SLC14A2: variants seen among roughly 807,000 people sequenced by gnomAD.
The protein encoded by SLC14A2 is urea transporter 2.
In SLC14A2, 91 loss-of-function variants were observed where a neutral mutation model predicts 104.6. The observed-to-expected ratio is 0.87, with a 90% confidence interval of 0.73 to 1.04. The LOEUF is 1.04. SLC14A2 is among the 50% of genes least tolerant of loss of function. The probability of loss-of-function intolerance (pLI) is 0.00; values close to 1 mark genes in which losing one functional copy is unlikely to be tolerated. For missense variants in SLC14A2, 1,189 were observed against 1,156.0 expected, an observed-to-expected ratio of 1.03 and a Z score of -0.41; for synonymous variants, 476 against 466.4, an observed-to-expected ratio of 1.02 and a Z score of -0.27.
intron 1 of SLC14A2, among the ~76,000 whole-genome samples, chr18:45,286,722 G>GTGTGTGTGTGTGTGTGTGTGTGTGTC (rs1244492491): frequency 4.6e-5 from 7 of 151,954 alleles, no homozygotes; most frequent in African/African-American, 1.5e-4. Flanking sequence ...CCCAACTTGT[G>GTGTGTGTGTGTGTGTGTGTGTGTGTC]TGTGTGTGTG....
intron 10 of SLC14A2, chr18:45,647,908 A>G (rs2045649742): frequency 6.6e-6 from 1 of 152,130 alleles, no homozygotes; most frequent in South Asian, 2.1e-4. Flanking sequence ...GATTTTGGAC[A>G]TATAAAATTA....
chr18:45,201,317 C>T, the SLC14A2 span, among the ~76,000 whole-genome samples: 1 of 152,050 alleles, frequency 6.6e-6, no homozygotes, highest in Non-Finnish European at 1.5e-5. Context: ...GAGTTATGTT[C>T]TATCTTCTTG....
the SLC14A2 span, among the ~76,000 whole-genome samples, chr18:45,191,518 C>G: frequency 6.6e-6 from 1 of 152,108 alleles, no homozygotes; most frequent in Non-Finnish European, 1.5e-5. Flanking sequence ...TAAGTCATGT[C>G]CCAAAGGAAA....
intron 10 of SLC14A2, among the ~76,000 whole-genome samples, chr18:45,650,727 G>C (rs1023025498): frequency 1.5e-5 from 2 of 131,342 alleles, no homozygotes; most frequent in African/African-American, 6.3e-5. Flanking sequence ...AGGTGTTTTG[G>C]GTTTTTTTGT....
intron 1 of SLC14A2, among the ~76,000 whole-genome samples, chr18:45,454,141 AGCC>A (rs2086902925): frequency 6.6e-6 from 1 of 152,148 alleles, no homozygotes; most frequent in Non-Finnish European, 1.5e-5. Context: ...TACAGGTGTG[AGCC>A]ACTGTACCCA....
chr18:45,638,747 A>G (rs1274955240), intron 6 of SLC14A2, among the ~76,000 whole-genome samples: 2 of 152,196 alleles, frequency 1.3e-5, no homozygotes, highest in East Asian at 1.9e-4. Flanking sequence ...TGACCTGGCA[A>G]TGGTGAAAAG....
At chr18:45,496,042 G>T (rs1180996164) in intron 2 of SLC14A2, among the ~76,000 whole-genome samples, 1 of 152,176 alleles carries the variant, frequency 6.6e-6, no homozygotes, top group Non-Finnish European at 1.5e-5. Context: ...GCCTATTAAT[G>T]TGATAATCTG....
the SLC14A2 span, among the ~76,000 whole-genome samples, chr18:45,196,434 T>C: frequency 6.6e-6 from 1 of 152,246 alleles, no homozygotes; most frequent in Admixed American, 6.5e-5. Flanking sequence ...GGACTTTCCC[T>C]CTGCGAAGCT....
intron 1 of SLC14A2, among the ~76,000 whole-genome samples, chr18:45,464,540 A>G (rs997369060): frequency 3.3e-5 from 5 of 152,240 alleles, no homozygotes; most frequent in African/African-American, 9.6e-5. Context: ...AAGCAAAGAA[A>G]TAAAGCCCGG....
intron 18 of SLC14A2, among the ~76,000 whole-genome samples, chr18:45,677,917 C>G (rs1306651652): frequency 6.6e-6 from 1 of 151,644 alleles, no homozygotes; most frequent in East Asian, 1.9e-4. Context: ...CTTCCGGGCT[C>G]AAGCCATCCT....
intron 1 of SLC14A2, among the ~76,000 whole-genome samples, chr18:45,434,548 G>C (rs1191934074): frequency 6.6e-6 from 1 of 152,184 alleles, no homozygotes; most frequent in Non-Finnish European, 1.5e-5. Flanking sequence ...GATAGCACCA[G>C]TGGATTTCCT....
intron 1 of SLC14A2, among the ~76,000 whole-genome samples, chr18:45,444,966 A>C (rs1283833445): frequency 6.6e-6 from 1 of 152,212 alleles, no homozygotes; most frequent in Non-Finnish European, 1.5e-5. Context: ...GGTACCAAGT[A>C]ATGTGCTTCG....
intron 10 of SLC14A2, among the ~76,000 whole-genome samples, chr18:45,653,136 C>G (rs1284966746): frequency 1.3e-5 from 2 of 151,948 alleles, no homozygotes; most frequent in African/African-American, 4.8e-5. Flanking sequence ...GTGAAGGCTC[C>G]GTGTTAACCA....
chr18:45,353,908 C>G (rs973577157), intron 1 of SLC14A2, among the ~76,000 whole-genome samples: 1 of 152,154 alleles, frequency 6.6e-6, no homozygotes, highest in African/African-American at 2.4e-5. Flanking sequence ...TAATTGTTTT[C>G]TTTTTCCTGA....
intron 2 of SLC14A2, among the ~76,000 whole-genome samples, chr18:45,504,269 G>T (rs2043247720): frequency 6.6e-6 from 1 of 152,188 alleles, no homozygotes; most frequent in African/African-American, 2.4e-5. Flanking sequence ...CCTGTCATAT[G>T]TCCTTAAAAT....
intron 1 of SLC14A2, among the ~76,000 whole-genome samples, chr18:45,338,497 G>T (rs578022133): frequency 6.6e-6 from 1 of 151,894 alleles, no homozygotes; most frequent in Non-Finnish European, 1.5e-5. Flanking sequence ...CACTGTGCCC[G>T]GCCAAGTTAT....
intron 2 of SLC14A2, among the ~76,000 whole-genome samples, chr18:45,560,405 TC>T (rs747995066): frequency 1.3e-5 from 2 of 152,060 alleles, no homozygotes; most frequent in Non-Finnish European, 2.9e-5. Flanking sequence ...CACTGCCACC[TC>T]CTTTTTATCC....
intron 1 of SLC14A2, among the ~76,000 whole-genome samples, chr18:45,336,394 G>T (rs575944917): frequency 1.3e-5 from 2 of 151,968 alleles, no homozygotes; most frequent in African/African-American, 4.8e-5. Flanking sequence ...GCCTGCCATA[G>T]TTAATAATTC....
chr18:45,501,140 A>T (rs77664537), intron 2 of SLC14A2, among the ~76,000 whole-genome samples: 1 of 152,256 alleles, frequency 6.6e-6, no homozygotes, highest in Non-Finnish European at 1.5e-5. Flanking sequence ...CCTGAGGATC[A>T]AAAAGGCTAT....
Sources: allele counts gnomAD v4.1 joint callset (sites outside exome capture counted in the v4.1 genomes callset), GRCh38; gene constraint gnomAD v4.1.1; transcripts MANE v1.5; gene names NCBI Gene and HGNC (gene_info 2026-07-23, HGNC 2026-07-21).